The following GEMIN5 variants were observed in gnomAD, a reference collection of about 807,000 sequenced individuals.
GEMIN5 encodes the protein gem nuclear organelle associated protein 5, also known as gem-associated protein 5.
A neutral mutation model predicts 176.9 loss-of-function variants in GEMIN5; 124 were observed. The observed-to-expected ratio is 0.70, with a 90% CI of 0.61 to 0.81. GEMIN5 has a LOEUF of 0.81. Ranked by LOEUF, GEMIN5 falls within the 40% of genes least tolerant of loss-of-function variation. The pLI, the probability that GEMIN5 is intolerant of heterozygous loss-of-function variation, is 0.00. For missense variants in GEMIN5, 1,843 were observed against 1,814.6 expected, an observed-to-expected ratio of 1.02 and a Z score of -0.28; for synonymous variants, 673 against 665.2, an observed-to-expected ratio of 1.01 and a Z score of -0.18.
intron 22 of GEMIN5, 140 bp from the exon 23 acceptor site, chr5:154,898,790 TC>T (rs1561711705): frequency 1.4e-6 from 1 of 713,178 alleles, no homozygotes; most frequent in Non-Finnish European, 2.4e-6. Flanking sequence ...CCCCGGTTGT[TC>T]CTGTGAAGGC....
At chr5:154,925,080 C>G (rs540156145) in intron 8 of GEMIN5, among the ~76,000 whole-genome samples, 1 of 152,076 alleles carries the variant, frequency 6.6e-6, no homozygotes, top group South Asian at 2.1e-4. Context: ...TGTTGTATCT[C>G]TCTTTCCAGA....
At chr5:154,900,196 G>A (rs943616898) in intron 21 of GEMIN5, among the ~76,000 whole-genome samples, 8 of 152,248 alleles carry the variant, frequency 5.3e-5, no homozygotes, top group Middle Eastern at 3.4e-3. Flanking sequence ...GTATTTTTGG[G>A]TATTTTATAA....
intron 3 of GEMIN5, among the ~76,000 whole-genome samples, chr5:154,934,456 C>T (rs964531337): frequency 1.3e-5 from 2 of 152,048 alleles, no homozygotes; most frequent in Non-Finnish European, 2.9e-5. Context: ...GGATTACAGG[C>T]GTGCACCACT....
chr5:154,892,832 C>T (rs1561708244), intron 24 of GEMIN5, among the ~76,000 whole-genome samples: 1 of 152,182 alleles, frequency 6.6e-6, no homozygotes. Flanking sequence ...GGCGCGGTGG[C>T]TCATGCCTGT....
intron 6 of GEMIN5, 122 bp downstream of exon 6, chr5:154,928,405 T>C: frequency 1.2e-6 from 1 of 814,720 alleles, no homozygotes; most frequent in Non-Finnish European, 2.0e-6. Context: ...CTCATAATTT[T>C]TCCATTTCAA....
rs376067368 is a variant in GEMIN5 at position 154,889,328 on chromosome 5, C to G, written c.4352G>C (p.Ser1451Thr). The G allele has an allele frequency of 1.9e-6, 3 of 1,554,314 alleles. No individual in the cohort carries two copies. In the African/African-American group the frequency reaches 4.1e-5, roughly 21 times the overall value. Reference protein sequence around the residue: ...ANQRMAKFPESIKAWPFPDVL... With the variant: ...ANQRMAKFPETIKAWPFPDVL... ...AACTGCTTTAACTCTTACCTTAATG[C>G]TCTCAGGAAATTTCGCCATTCTCTG... The change falls in exon 27 of 28, where the codon AGC becomes ACC. Residue 1451 changes from serine to threonine, a missense_variant. Physicochemically the swap from Ser to Thr is moderately conservative, Grantham distance 58 (BLOSUM62 1). Coordinates refer to ENST00000285873, the MANE Select transcript of GEMIN5 (RefSeq NM_015465.5).
intron 10 of GEMIN5, among the ~76,000 whole-genome samples, chr5:154,920,966 T>C (rs1370638659): frequency 6.6e-6 from 1 of 152,218 alleles, no homozygotes; most frequent in Non-Finnish European, 1.5e-5. Flanking sequence ...TGAAAATAGA[T>C]ATTATTCCAT....
At chr5:154,906,194 C>T (rs1440954667) in intron 16 of GEMIN5, among the ~76,000 whole-genome samples, 1 of 151,910 alleles carries the variant, frequency 6.6e-6, no homozygotes, top group Non-Finnish European at 1.5e-5. Context: ...TGGGGGTTCC[C>T]TATGTTGCTT....
rs1402882969 is a variant in GEMIN5 at position 154,901,387 on chromosome 5, T to C, written c.2966A>G (p.His989Arg). Residue 989 changes from histidine to arginine, a missense_variant, in exon 21 of 28, where the codon CAC (histidine) becomes CGC (arginine). Transcript: ENST00000285873. ...CAGCTCCACCGCTTCATACACTTTG[T>C]GGATGGAAAGTAGGTGAGAAGCAGC... ...VKAASHLLSI[H>R]KVYEAVELLK... 2.5e-6 allele frequency: 4 copies of C among 1,614,140 alleles called. No homozygotes were observed. Among genetic ancestry groups the C allele is most frequent in the Non-Finnish European group, 3.4e-6 (4 of 1,180,006 alleles).
At chr5:154,927,904 T>C (rs1467519397) in intron 6 of GEMIN5, among the ~76,000 whole-genome samples, 5 of 151,990 alleles carry the variant, frequency 3.3e-5, no homozygotes, top group Non-Finnish European at 7.4e-5. Context: ...GGTGGGAGAA[T>C]TGCTTGAGCC....
At chr5:154,903,463 A>G (rs1315305640) in intron 18 of GEMIN5, among the ~76,000 whole-genome samples, 3 of 152,222 alleles carry the variant, frequency 2.0e-5, no homozygotes, top group Non-Finnish European at 4.4e-5. Context: ...CCACAAGGGG[A>G]TTCAATATTC....
chr5:154,917,887 A>G (rs1418808752), intron 12 of GEMIN5, 44 bp downstream of exon 12: 1 of 1,204,142 alleles, frequency 8.3e-7, no homozygotes. Flanking sequence ...GATCAAATAT[A>G]TGTGCGATTG....
Position 154,889,106 on chromosome 5 carries a change from G to A in GEMIN5, c.4359+215C>T, listed in dbSNP as rs185784579. On this transcript the variant is annotated intron_variant, in intron 27 of 27. Coordinates refer to ENST00000285873, the MANE Select transcript of GEMIN5 (RefSeq NM_015465.5). ...TTAGCCAGGATGGTCTTGATCTCCT[G>A]ACCTCATGATCCGCCAGCCTCAGCC... 5.2e-3 allele frequency among the ~76,000 whole-genome samples: 784 copies of A among 152,144 alleles called. 5 individuals carry two copies. Among genetic ancestry groups the A allele is most frequent in the African/African-American group, 0.018 (736 of 41,490 alleles).
At chr5:154,927,665 G>C in intron 6 of GEMIN5, 115 bp from the exon 7 acceptor site, 2 of 725,702 alleles carry the variant, frequency 2.8e-6, no homozygotes, top group Non-Finnish European at 4.5e-6. Context: ...TTTAAGGAGA[G>C]AAAAATTGCA....
At chr5:154,898,748 T>C in intron 22 of GEMIN5, 98 bp from the exon 23 acceptor site, 1 of 974,154 alleles carries the variant, frequency 1.0e-6, no homozygotes, top group East Asian at 2.6e-5. Context: ...CTTTGCTGCA[T>C]GTGCCTTCCT....
intron 5 of GEMIN5, among the ~76,000 whole-genome samples, chr5:154,931,256 A>G (rs1253164932): frequency 6.6e-6 from 1 of 152,248 alleles, no homozygotes; most frequent in East Asian, 1.9e-4. Flanking sequence ...CCTGGAATGC[A>G]TGGGAAATAC....
At position 154,920,031 on chromosome 5, in the gene GEMIN5, G is replaced by C. The variant is rs1763892143; in HGVS notation, c.1535C>G (p.Pro512Arg). ...GGEGIVLQHN[P>R]WKLSGEAFDI... ...AAAGGCTTCTCCACTAAGCTTCCAG[G>C]GATTATGCTGTAAGACAATCCCTTC... Residue 512 changes from proline (P) to arginine (R), a missense_variant, in exon 11 of 28, where the codon CCC (proline) becomes CGC (arginine). Pro to Arg is a moderately radical substitution (Grantham distance 103). Transcript: ENST00000285873. The C allele has an allele frequency of 1.2e-6, 2 of 1,612,886 alleles. No individual in the cohort carries two copies. The highest frequency in any genetic ancestry group is 1.7e-6 in the Non-Finnish European group (2 of 1,179,066).
At chr5:154,923,381 CA>C (rs372066278) in intron 9 of GEMIN5, among the ~76,000 whole-genome samples, 189 of 143,868 alleles carry the variant, frequency 1.3e-3, no homozygotes, top group African/African-American at 4.3e-3. Context: ...ACTCTGTCTC[CA>C]AAAAAAAAAG....
intron 9 of GEMIN5, 135 bp from the exon 10 acceptor site, chr5:154,921,560 T>A (rs1341325199): frequency 1.0e-5 from 6 of 592,900 alleles, no homozygotes; most frequent in East Asian, 3.2e-5. Context: ...TTCAACAATA[T>A]CTTGCTCCAA....
Sources: gnomAD v4.1 joint callset for allele counts (sites outside exome capture counted in the v4.1 genomes callset) on GRCh38, gnomAD v4.1.1 for gene constraint, MANE v1.5 for transcripts, NCBI Gene and HGNC (gene_info 2026-07-23, HGNC 2026-07-21) for gene names.